Variants in POLN observed in about 807,000 individuals in gnomAD.
The protein encoded by POLN is DNA polymerase nu, also known as DNA polymerase N.
In POLN, 108 loss-of-function variants were observed where a neutral mutation model predicts 113.5. The observed-to-expected ratio is 0.95, with a 90% CI of 0.81 to 1.12. The LOEUF is 1.12. Ranked by LOEUF, POLN falls within the 50% of genes most tolerant of loss-of-function variation. The pLI is 0.00. For missense variants in POLN, 1,097 were observed against 1,077.1 expected, an observed-to-expected ratio of 1.02 and a Z score of -0.26; for synonymous variants, 386 against 391.5, an observed-to-expected ratio of 0.99 and a Z score of 0.17.
intron 24 of POLN, among the ~76,000 whole-genome samples, chr4:2,074,205 G>C (rs1269242074): frequency 6.6e-6 from 1 of 152,210 alleles, no homozygotes; most frequent in African/African-American, 2.4e-5. Context: ...CACTCAGCTG[G>C]AGCGCTCCCT....
intron 3 of POLN, among the ~76,000 whole-genome samples, chr4:2,223,092 T>C (rs1186684840): frequency 6.6e-6 from 1 of 152,166 alleles, no homozygotes; most frequent in Non-Finnish European, 1.5e-5. Flanking sequence ...TGAAATGTGA[T>C]ACATTGCAAG....
rs1431433760 is a variant in POLN at position 2,156,836 on chromosome 4, T to C, written c.1683A>G (p.Thr561=). ...ACMKKGSISS[T]WNQTGTVTGR... ...CAGTCACAGTTCCAGTCTGATTCCA[T>C]GTAGAGGAAATGGAGCCCTTTATTA... The change falls in exon 16 of 26, where the codon ACA becomes ACG. Residue 561 remains threonine (T), a synonymous_variant. Transcript: ENST00000511885. The C allele has an allele frequency of 1.2e-6, 2 of 1,612,338 alleles. No homozygotes were observed. The highest frequency in any genetic ancestry group is 1.7e-6 in the Non-Finnish European group (2 of 1,178,472).
Position 2,241,624 on chromosome 4 carries a change from G to C in POLN, c.-117C>G, listed in dbSNP as rs892170757. ...GCGCGGCCACAATTAAGGGTGCTTC[G>C]GGCCGGCCTTCAGCCAGCGCTGAGG... is the stretch of plus-strand genomic sequence containing the variant. On this transcript the variant is annotated 5_prime_UTR_variant, in exon 2 of 26. Coordinates refer to ENST00000511885, the MANE Select transcript of POLN (RefSeq NM_181808.4). The C allele has an allele frequency of 4.1e-6, 4 of 985,314 alleles. No individual in the cohort carries two copies. The African/African-American group carries it at 7.0e-5, about 17-fold the overall frequency. The allele number at this position is 985,314 out of a possible 1,614,324, so 61.0% of individuals were successfully genotyped here.
intron 5 of POLN, among the ~76,000 whole-genome samples, chr4:2,203,952 A>G (rs1166935904): frequency 1.3e-5 from 2 of 151,392 alleles, no homozygotes; most frequent in Non-Finnish European, 3.0e-5. Context: ...TCTACTAAAT[A>G]CAAAAAATTA....
intron 5 of POLN, among the ~76,000 whole-genome samples, chr4:2,205,143 T>C (rs1005304785): frequency 9.9e-5 from 15 of 152,124 alleles, no homozygotes; most frequent in African/African-American, 7.2e-5. Flanking sequence ...AAAGAGGAAA[T>C]CAACTGTCAC....
At chr4:2,079,459 G>A in intron 23 of POLN, 1 of 985,610 alleles carries the variant, frequency 1.0e-6, no homozygotes. Flanking sequence ...ATATGTGTGT[G>A]CATGGGTTGT....
chr4:2,120,041 T>C (rs1731404013), intron 19 of POLN, among the ~76,000 whole-genome samples: 1 of 152,172 alleles, frequency 6.6e-6, no homozygotes, highest in Non-Finnish European at 1.5e-5. Flanking sequence ...ACATTACAAC[T>C]TTGTCAAAAA....
chr4:2,139,107 G>A (rs1038991440), intron 16 of POLN, among the ~76,000 whole-genome samples: 2 of 152,246 alleles, frequency 1.3e-5, no homozygotes, highest in East Asian at 1.9e-4. Flanking sequence ...AGAGGGAGAG[G>A]AGCCCCTCCT....
At chr4:2,151,867 T>G (rs142300313) in intron 16 of POLN, among the ~76,000 whole-genome samples, 56 of 152,308 alleles carry the variant, frequency 3.7e-4, no homozygotes, top group Middle Eastern at 3.4e-3. Flanking sequence ...AAGGATACTT[T>G]TGCACAACTG....
At chr4:2,102,308 G>A (rs1340791373) in intron 19 of POLN, among the ~76,000 whole-genome samples, 1 of 152,158 alleles carries the variant, frequency 6.6e-6, no homozygotes, top group African/African-American at 2.4e-5. Flanking sequence ...TTTACCACCT[G>A]GGACACTCAA....
At chr4:2,178,938 C>T (rs940650476) in intron 8 of POLN, among the ~76,000 whole-genome samples, 1 of 152,106 alleles carries the variant, frequency 6.6e-6, no homozygotes, top group Non-Finnish European at 1.5e-5. Context: ...TCTGACCATT[C>T]TCTCCACACA....
chr4:2,157,557 A>G (rs1286944297), intron 15 of POLN, among the ~76,000 whole-genome samples: 3 of 151,914 alleles, frequency 2.0e-5, no homozygotes, highest in Non-Finnish European at 4.4e-5. Flanking sequence ...AACCCTGTCT[A>G]CTAAAAATAG....
rs74787531 is a variant in POLN, at chr4:2,118,284, T to A, written c.1982+9829A>T. Among the ~76,000 whole-genome samples the A allele has an allele frequency of 5.3e-5, 8 of 152,356 alleles. No homozygotes were observed. In the East Asian group the frequency reaches 1.5e-3, roughly 29 times the overall value. Reference sequence around the variant, plus strand: ...ATTGAGGCCACATCTTTGATTTCTGTGTTTTAATTGGCCTTTGTTGCTCAC... The same window carrying A: ...ATTGAGGCCACATCTTTGATTTCTGAGTTTTAATTGGCCTTTGTTGCTCAC... On this transcript the variant is annotated intron_variant, in intron 19 of 25. Coordinates refer to ENST00000511885, the MANE Select transcript of POLN (RefSeq NM_181808.4).
chr4:2,192,636 C>G (rs931557419), intron 7 of POLN, among the ~76,000 whole-genome samples: 4 of 151,942 alleles, frequency 2.6e-5, no homozygotes, highest in African/African-American at 9.7e-5. Flanking sequence ...CTGTGCCCGG[C>G]CATGTCCATC....
chr4:2,133,148 C>CAAAA (rs3045447), intron 16 of POLN, among the ~76,000 whole-genome samples: 5,793 of 140,628 alleles, frequency 0.041, 158 homozygotes, highest in Middle Eastern at 0.075. Flanking sequence ...TAAAAAATGG[C>CAAAA]AAAAAAAAAA....
intron 2 of POLN, chr4:2,239,190 G>A: frequency 2.0e-6 from 1 of 504,256 alleles, no homozygotes. Flanking sequence ...AAAAATTACA[G>A]TTTAAAAGGG....
chr4:2,126,382 C>T lies in POLN; in HGVS notation c.1982+1731G>A, dbSNP rs1022643347. Among the ~76,000 whole-genome samples, 2 of 152,178 alleles carry T rather than the reference C, an allele frequency of 1.3e-5. No individual in the cohort carries two copies. The highest frequency in any genetic ancestry group is 2.1e-4 in the South Asian group (1 of 4,828). On this transcript the variant is annotated intron_variant, in intron 19 of 25. Coordinates refer to ENST00000511885, the MANE Select transcript of POLN (RefSeq NM_181808.4). This position sits in a 1 kb window ranked among gnomAD's most constrained non-coding sequence, Gnocchi z 4.6. ...TTTTGGAGAGATTTTCTGATTCAAA[C>T]GCAAGTTTGCGTTCTATACTATTCA... is the stretch of plus-strand genomic sequence containing the variant.
At chr4:2,198,310 C>T (rs1178617411) in intron 6 of POLN, among the ~76,000 whole-genome samples, 6 of 152,158 alleles carry the variant, frequency 3.9e-5, no homozygotes, top group African/African-American at 1.4e-4. Flanking sequence ...GCCGGCTGCT[C>T]CCACAGAAGA....
In POLN at chr4:2,204,419, T is replaced by G. The variant is rs142374868; in HGVS notation, c.714+3568A>C. Among the ~76,000 whole-genome samples the G allele has an allele frequency of 5.3e-3, 800 of 152,080 alleles. 7 individuals carry two copies. Among genetic ancestry groups the G allele is most frequent in the African/African-American group, 0.019 (780 of 41,484 alleles). ...GAATTAGATGTCCTGAACAAACCAATAACAAGCAGTGAGACTGAAATGGTA... is the reference window on the plus strand; with the variant it reads ...GAATTAGATGTCCTGAACAAACCAAGAACAAGCAGTGAGACTGAAATGGTA... On this transcript the variant is annotated intron_variant, in intron 5 of 25. Transcript: ENST00000511885.
Sources: allele counts gnomAD v4.1 joint callset (sites outside exome capture counted in the v4.1 genomes callset), GRCh38; gene constraint gnomAD v4.1.1; non-coding constraint Gnocchi (gnomAD v3.1); transcripts MANE v1.5; gene names NCBI Gene and HGNC (gene_info 2026-07-23, HGNC 2026-07-21).